The following ZNHIT6 variants were observed in gnomAD, a reference collection of about 807,000 sequenced individuals.
ZNHIT6 encodes box C/D snoRNA protein 1.
Under a neutral mutation model 57.2 loss-of-function variants are expected in ZNHIT6, and 45 were observed. That is an observed-to-expected ratio of 0.79 (90% CI 0.62 to 1.01). The LOEUF (loss-of-function observed/expected upper bound fraction) is 1.01. ZNHIT6 is among the 50% of genes least tolerant of loss of function. The pLI is 0.00. For missense variants in ZNHIT6, 528 were observed against 567.3 expected (o/e 0.93, Z 0.70); for synonymous variants, 188 against 190.0 (o/e 0.99, Z 0.09).
At chr1:85,675,053 G>A (rs74362782) in intron 8 of ZNHIT6, among the ~76,000 whole-genome samples, 1,600 of 152,184 alleles carry the variant, frequency 0.011, 36 homozygotes, top group African/African-American at 0.037. Context: ...AGCATACCAG[G>A]GTTTTTGAGA....
rs1310843146 is a variant in ZNHIT6 at position 85,652,191 on chromosome 1, T to A, written c.*1867A>T. 6.6e-6 allele frequency: 1 copy of A among 152,172 alleles called. No individual in the cohort carries two copies. The highest frequency in any genetic ancestry group is 1.5e-5 in the Non-Finnish European group (1 of 68,018). 9.4% of individuals were successfully genotyped at this position (152,172 alleles called of 1,614,324 possible). A position where few individuals can be genotyped will look rare whatever the true frequency, so the allele number is the denominator to read the frequency against. On this transcript the variant is annotated 3_prime_UTR_variant, in exon 10 of 10. Coordinates refer to ENST00000370574, the MANE Select transcript of ZNHIT6 (RefSeq NM_017953.4). The stretch of plus-strand genomic sequence containing the variant: ...GGAAATGAGACTACATCATAACAGA[T>A]TTCACTGTCAAAAAATTCCTATCCA...
intron 6 of ZNHIT6, among the ~76,000 whole-genome samples, chr1:85,679,956 G>A (rs545251703): frequency 1.3e-5 from 2 of 152,336 alleles, no homozygotes; most frequent in Admixed American, 6.5e-5. Flanking sequence ...TTGTAATTCC[G>A]ACATTTTGGG....
intron 5 of ZNHIT6, among the ~76,000 whole-genome samples, chr1:85,681,823 A>T (rs1661884563): frequency 6.6e-6 from 1 of 152,244 alleles, no homozygotes; most frequent in Non-Finnish European, 1.5e-5. Context: ...TAAAGGACAG[A>T]TGTCTAAAAT....
intron 8 of ZNHIT6, among the ~76,000 whole-genome samples, chr1:85,661,864 T>C (rs1189330992): frequency 6.6e-6 from 1 of 152,140 alleles, no homozygotes; most frequent in Non-Finnish European, 1.5e-5. Flanking sequence ...ATACTAACAT[T>C]TGTCTTTTCT....
rs772444339 is a variant in ZNHIT6, at chr1:85,678,707, C to T, written c.1163G>A (p.Arg388His). The T allele has an allele frequency of 1.2e-5, 19 of 1,577,254 alleles. No individual in the cohort carries two copies. Among genetic ancestry groups the T allele is most frequent in the African/African-American group, 5.5e-5 (4 of 72,994 alleles). ...IDPEKSDPVI[R>H]QRLKAYIRSQ... is the part of the protein sequence containing the mutation. ...CAATATTTTTGAAGCATACCTTTGA[C>T]GAATTACAGGATCAGACTTTTCAGG... The change falls in exon 7 of 10, where the codon CGT (arginine) becomes CAT (histidine). Residue 388 changes from arginine to histidine, a missense_variant. Physicochemically the swap from Arg to His is conservative, Grantham distance 29 (BLOSUM62 0). Transcript: ENST00000370574.
intron 8 of ZNHIT6, among the ~76,000 whole-genome samples, chr1:85,664,446 C>G (rs1237257210): frequency 2.0e-5 from 3 of 152,158 alleles, no homozygotes; most frequent in Non-Finnish European, 4.4e-5. Context: ...AGCTCCTGTA[C>G]TGTTTTATTG....
In ZNHIT6 at chr1:85,651,039, A is replaced by T. The variant is rs1660890893; in HGVS notation, c.*3019T>A. On this transcript the variant is annotated 3_prime_UTR_variant, in exon 10 of 10. Coordinates refer to ENST00000370574, the MANE Select transcript of ZNHIT6 (RefSeq NM_017953.4). ...AGACCAGCATCTTTATGTAAAATTT[A>T]GTAACATGAAATAAGGTACAACACA... 6.6e-6 allele frequency: 1 copy of T among 152,224 alleles called. No individual in the cohort carries two copies. Among genetic ancestry groups the T allele is most frequent in the Admixed American group, 6.5e-5 (1 of 15,284 alleles). The allele number at this position is 152,224 out of a possible 1,614,324, so 9.4% of individuals were successfully genotyped here.
chr1:85,679,198 A>T (rs1661791554), intron 6 of ZNHIT6, among the ~76,000 whole-genome samples: 1 of 152,222 alleles, frequency 6.6e-6, no homozygotes, highest in Admixed American at 6.5e-5. Context: ...AAGTTAAAAA[A>T]TTGATAGTAA....
At chr1:85,705,855 C>G (rs1230188168) in intron 4 of ZNHIT6, among the ~76,000 whole-genome samples, 1 of 152,138 alleles carries the variant, frequency 6.6e-6, no homozygotes, top group Non-Finnish European at 1.5e-5. Flanking sequence ...GAACTTAACT[C>G]TATCTGAAAT....
intron 4 of ZNHIT6, 67 bp downstream of exon 4, chr1:85,706,009 TAA>T (rs370671489): frequency 0.017 from 18,127 of 1,077,276 alleles, no homozygotes; most frequent in South Asian, 0.019. Flanking sequence ...TTTGGTAAGT[TAA>T]AAAAAAAAAA....
At chr1:85,707,196 C>T (rs1662708008) in intron 1 of ZNHIT6, among the ~76,000 whole-genome samples, 2 of 152,128 alleles carry the variant, frequency 1.3e-5, no homozygotes, top group Admixed American at 6.5e-5. Flanking sequence ...TTCACAGCAC[C>T]CATGAAGAAG....
At chr1:85,657,584 C>T (rs1248477804) in intron 9 of ZNHIT6, among the ~76,000 whole-genome samples, 1 of 151,792 alleles carries the variant, frequency 6.6e-6, no homozygotes, top group African/African-American at 2.4e-5. Flanking sequence ...ATACATAGAA[C>T]CCCATGCTAA....
intron 9 of ZNHIT6, 136 bp from the exon 10 acceptor site, chr1:85,654,234 A>AG: frequency 1.6e-6 from 1 of 618,972 alleles, no homozygotes. Flanking sequence ...GTCATGTCCC[A>AG]GGCAGCTAGG....
intron 5 of ZNHIT6, among the ~76,000 whole-genome samples, chr1:85,687,304 A>AAAC (rs1662086309): frequency 1.4e-5 from 2 of 142,580 alleles, no homozygotes; most frequent in Admixed American, 1.4e-4. Context: ...AAAAACAAAA[A>AAAC]AAAAAAACAA....
intron 8 of ZNHIT6, among the ~76,000 whole-genome samples, chr1:85,667,961 A>AAAAAAAAAAAAATATAT: frequency 0.029 from 516 of 18,016 alleles, 67 homozygotes; most frequent in East Asian, 0.11. Context: ...AAAAAAAAAA[A>AAAAAAAAAAAAATATAT]ATATATATAT....
At chr1:85,686,327 C>T (rs777717799) in intron 5 of ZNHIT6, among the ~76,000 whole-genome samples, 1 of 151,890 alleles carries the variant, frequency 6.6e-6, no homozygotes, top group Non-Finnish European at 1.5e-5. Flanking sequence ...TTCTCTTTTG[C>T]CCCCTTTGAG....
chr1:85,702,950 G>A (rs1048089307), intron 4 of ZNHIT6, among the ~76,000 whole-genome samples: 7 of 152,100 alleles, frequency 4.6e-5, no homozygotes, highest in Non-Finnish European at 8.8e-5. Context: ...AAATATAAAC[G>A]CAAGTTTTTT....
chr1:85,700,602 T>C (rs1054699190), intron 5 of ZNHIT6, among the ~76,000 whole-genome samples: 1 of 152,238 alleles, frequency 6.6e-6, no homozygotes, highest in African/African-American at 2.4e-5. Context: ...CATCTGCTTT[T>C]CATTACTGAG....
At chr1:85,672,184 T>C (rs1360434980) in intron 8 of ZNHIT6, among the ~76,000 whole-genome samples, 1 of 152,130 alleles carries the variant, frequency 6.6e-6, no homozygotes, top group African/African-American at 2.4e-5. Flanking sequence ...CTCCAGACCT[T>C]ACTTTTATCT....
Sources: gnomAD v4.1 joint callset for allele counts (sites outside exome capture counted in the v4.1 genomes callset) on GRCh38, gnomAD v4.1.1 for gene constraint, MANE v1.5 for transcripts, NCBI Gene and HGNC (gene_info 2026-07-23, HGNC 2026-07-21) for gene names.